SLC24A2: variants seen among roughly 807,000 people sequenced by gnomAD.
SLC24A2 encodes the protein solute carrier family 24 member 2, also known as sodium/potassium/calcium exchanger 2.
A neutral mutation model predicts 62.0 loss-of-function variants in SLC24A2; 36 were observed. The observed-to-expected ratio is 0.58, with a 90% CI of 0.44 to 0.77. The LOEUF (loss-of-function observed/expected upper bound fraction) is 0.77, where lower values mean the gene tolerates loss of function less well. Among genes scored for constraint, SLC24A2 ranks in the 30% least tolerant of loss-of-function variants. The probability of loss-of-function intolerance (pLI) is 0.00; values close to 1 mark genes in which losing one functional copy is unlikely to be tolerated. For synonymous variants in SLC24A2, 358 were observed against 294.0 expected, an observed-to-expected ratio of 1.22 and a Z score of -2.23; for missense variants, 846 against 817.9, an observed-to-expected ratio of 1.03 and a Z score of -0.42.
At chr9:19,681,243 C>G (rs1819714057) in intron 2 of SLC24A2, among the ~76,000 whole-genome samples, 1 of 152,100 alleles carries the variant, frequency 6.6e-6, no homozygotes, top group Non-Finnish European at 1.5e-5. Flanking sequence ...GCTGTTTACA[C>G]TAGCTATCCA....
At chr9:20,172,756 T>A in the SLC24A2 span, among the ~76,000 whole-genome samples, 3 of 152,008 alleles carry the variant, frequency 2.0e-5, no homozygotes, top group Non-Finnish European at 2.9e-5. Context: ...CACAGATGAA[T>A]TCTACCAGAC....
At chr9:19,855,832 G>A in the SLC24A2 span, among the ~76,000 whole-genome samples, 7 of 152,338 alleles carry the variant, frequency 4.6e-5, no homozygotes, top group East Asian at 1.3e-3. Context: ...ATGTTAGCCT[G>A]TCTTGCTGGG....
chr9:19,606,373 C>G (rs927216523), intron 4 of SLC24A2, among the ~76,000 whole-genome samples: 1 of 152,198 alleles, frequency 6.6e-6, no homozygotes, highest in African/African-American at 2.4e-5. Context: ...AAGCTACATT[C>G]ACTATTGGTG....
the SLC24A2 span, among the ~76,000 whole-genome samples, chr9:20,040,257 C>A: frequency 3.9e-5 from 6 of 152,200 alleles, no homozygotes; most frequent in East Asian, 1.2e-3. Flanking sequence ...AATCTTGGTG[C>A]TATGTTTTGT....
At chr9:19,988,036 G>A in the SLC24A2 span, among the ~76,000 whole-genome samples, 3 of 152,210 alleles carry the variant, frequency 2.0e-5, no homozygotes, top group African/African-American at 4.8e-5. Flanking sequence ...AATTATGACT[G>A]CTGTGGAAAT....
chr9:19,959,711 CAAGACTCTTATTT>C, the SLC24A2 span, among the ~76,000 whole-genome samples: 1 of 152,130 alleles, frequency 6.6e-6, no homozygotes, highest in African/African-American at 2.4e-5. Context: ...TCCTCAAACA[CAAGACTCTTATTT>C]AAGATTCCTC....
At chr9:19,650,842 TG>T (rs1357229863) in intron 2 of SLC24A2, among the ~76,000 whole-genome samples, 324 of 151,940 alleles carry the variant, frequency 2.1e-3, no homozygotes, top group Non-Finnish European at 3.7e-3. Flanking sequence ...TGTGTGTGTG[TG>T]TGTGTGTTTG....
At chr9:20,041,196 AAAAG>A in the SLC24A2 span, among the ~76,000 whole-genome samples, 2 of 87,154 alleles carry the variant, frequency 2.3e-5, no homozygotes, top group South Asian at 4.5e-4. Flanking sequence ...ATGCATGAGA[AAAAG>A]AAAGAGAGAT....
chr9:20,234,892 A>T, the SLC24A2 span, among the ~76,000 whole-genome samples: 2 of 152,198 alleles, frequency 1.3e-5, no homozygotes, highest in East Asian at 3.8e-4. Flanking sequence ...GGTGACGTAC[A>T]GATGGGTTTT....
Position 19,560,023 on chromosome 9 carries a change from T to G in SLC24A2, c.1348-9755A>C, listed in dbSNP as rs1835312985. Reference sequence around the variant, plus strand: ...CATGGAAAATGAACTTTTGGGACCCTGAAACTGTAGTTTAGGACTTGCCAA... The same window carrying G: ...CATGGAAAATGAACTTTTGGGACCCGGAAACTGTAGTTTAGGACTTGCCAA... On this transcript the variant is annotated intron_variant, in intron 7 of 10. Coordinates refer to ENST00000341998, the MANE Select transcript of SLC24A2 (RefSeq NM_020344.4). Among the ~76,000 whole-genome samples, 3 of 152,014 alleles carry G rather than the reference T, an allele frequency of 2.0e-5. No individual in the cohort carries two copies. In the South Asian group the frequency reaches 6.2e-4, roughly 31 times the overall value.
the SLC24A2 span, among the ~76,000 whole-genome samples, chr9:19,892,056 C>T: frequency 2.6e-5 from 4 of 152,170 alleles, no homozygotes; most frequent in East Asian, 3.8e-4. Context: ...TTTTTCTCTT[C>T]GTTTGTCACT....
intron 7 of SLC24A2, among the ~76,000 whole-genome samples, chr9:19,560,319 A>G (rs1419334450): frequency 1.7e-5 from 2 of 116,906 alleles, no homozygotes; most frequent in Non-Finnish European, 3.4e-5. Context: ...CCCCCAATTC[A>G]TATTCCCAAA....
rs762182033 is a variant in SLC24A2 at position 19,528,123 on chromosome 9, A to C, written c.1495T>G (p.Phe499Val). 3.1e-6 allele frequency: 5 copies of C among 1,589,580 alleles called. 1 individual carries two copies. In the South Asian group the frequency reaches 5.7e-5, roughly 18 times the overall value. Residue 499 changes from phenylalanine to valine, a missense_variant, in exon 9 of 11, where the codon TTT (phenylalanine) becomes GTT (valine). Physicochemically the swap from Phe to Val is conservative, Grantham distance 50. Coordinates refer to ENST00000341998, the MANE Select transcript of SLC24A2 (RefSeq NM_020344.4). ...DVRKPSSRKFFPITFFGSITW... is the reference protein window; with the variant it reads ...DVRKPSSRKFVPITFFGSITW... ...ATGGAGCCAAAGAACGTGATGGGAA[A>C]AAACTTCCTCGATGACTGAAAGACA...
At chr9:19,907,082 A>T in the SLC24A2 span, among the ~76,000 whole-genome samples, 68,574 of 152,020 alleles carry the variant, frequency 0.45, 15,883 homozygotes, top group Middle Eastern at 0.61. Flanking sequence ...CCTCAATAAA[A>T]TACTGGCAAA....
the SLC24A2 span, among the ~76,000 whole-genome samples, chr9:19,823,195 CT>C: frequency 2.6e-5 from 4 of 152,050 alleles, no homozygotes; most frequent in Non-Finnish European, 4.4e-5. Context: ...TTAGATCCCC[CT>C]ATATGTTTTT....
the SLC24A2 span, among the ~76,000 whole-genome samples, chr9:19,845,885 A>G: frequency 0.73 from 111,408 of 151,960 alleles, 43,873 homozygotes; most frequent in Middle Eastern, 0.93. Context: ...ATTTCCATGT[A>G]ACTGTGTGTT....
chr9:19,902,542 C>T, the SLC24A2 span, among the ~76,000 whole-genome samples: 17 of 152,164 alleles, frequency 1.1e-4, no homozygotes, highest in East Asian at 1.9e-4. Context: ...CATCAATAAC[C>T]GAAGCACCAG....
At chr9:19,760,875 G>C (rs1343361493) in intron 2 of SLC24A2, among the ~76,000 whole-genome samples, 1 of 148,004 alleles carries the variant, frequency 6.8e-6, no homozygotes, top group African/African-American at 2.5e-5. Flanking sequence ...AGAACACTTG[G>C]ACACAGGGTG....
the SLC24A2 span, among the ~76,000 whole-genome samples, chr9:19,947,808 A>AAAAAAGAAAG: frequency 1.7e-5 from 1 of 59,268 alleles, no homozygotes; most frequent in Admixed American, 2.0e-4. Flanking sequence ...AAAAAAAAAA[A>AAAAAAGAAAG]AAAGAAAGAA....
Sources: allele counts gnomAD v4.1 joint callset (sites outside exome capture counted in the v4.1 genomes callset), GRCh38; gene constraint gnomAD v4.1.1; transcripts MANE v1.5; gene names NCBI Gene and HGNC (gene_info 2026-07-23, HGNC 2026-07-21).